TFEB: variants seen among roughly 807,000 people sequenced by gnomAD.
TFEB encodes the protein transcription factor EB, also known as T-cell transcription factor EB.
In TFEB, 12 loss-of-function variants were observed where a neutral mutation model predicts 48.0. The observed-to-expected ratio is 0.25, with a 90% CI of 0.16 to 0.40. The LOEUF is 0.40. Ranked by LOEUF, TFEB falls within the 10% of genes least tolerant of loss-of-function variation. TFEB has a pLI of 1.00. For synonymous variants in TFEB, 244 were observed against 261.4 expected, an observed-to-expected ratio of 0.93 and a Z score of 0.64; for missense variants, 509 against 640.3, an observed-to-expected ratio of 0.79 and a Z score of 2.21.
In TFEB at chr6:41,687,829, G is replaced by A; in HGVS notation, c.671-20C>T. 2 of 1,613,210 alleles carry A rather than the reference G, an allele frequency of 1.2e-6. No individual in the cohort carries two copies. Among genetic ancestry groups the A allele is most frequent in the Non-Finnish European group, 1.7e-6 (2 of 1,179,448 alleles). ...CAGCATCTGGAGGCCAAAAGAGAAG[G>A]AGAGAGGAGCTGGGAGGGAGGGAGA... On this transcript the variant is annotated intron_variant, in intron 5 of 8. Transcript: ENST00000373033.
At chr6:41,707,659 TG>T (rs1770297295) in intron 1 of TFEB, among the ~76,000 whole-genome samples, 1 of 152,142 alleles carries the variant, frequency 6.6e-6, no homozygotes, top group Non-Finnish European at 1.5e-5. Context: ...CTGGGAGGGC[TG>T]GGGATGGGAA....
chr6:41,722,289 A>G (rs959932826), intron 1 of TFEB, among the ~76,000 whole-genome samples: 6 of 152,192 alleles, frequency 3.9e-5, no homozygotes, highest in African/African-American at 7.2e-5. Context: ...TCCATTCGCT[A>G]TATTAATTTA....
intron 1 of TFEB, among the ~76,000 whole-genome samples, chr6:41,715,111 G>GC (rs1329118994): frequency 6.6e-6 from 1 of 152,130 alleles, no homozygotes; most frequent in Non-Finnish European, 1.5e-5. Flanking sequence ...TCCAACCAGG[G>GC]CCTCCCCCAC....
At chr6:41,711,777 A>C (rs968116005) in intron 1 of TFEB, among the ~76,000 whole-genome samples, 1 of 152,212 alleles carries the variant, frequency 6.6e-6, no homozygotes, top group Non-Finnish European at 1.5e-5. Context: ...CAAAAGGGTC[A>C]TGTCTGGGCA....
At chr6:41,714,253 A>C in intron 1 of TFEB, among the ~76,000 whole-genome samples, 1 of 152,104 alleles carries the variant, frequency 6.6e-6, no homozygotes, top group Admixed American at 6.5e-5. Flanking sequence ...ATGTGCTTCT[A>C]CCACCCCTAC....
At chr6:41,725,715 C>T (rs1216163901) in intron 1 of TFEB, among the ~76,000 whole-genome samples, 4 of 152,072 alleles carry the variant, frequency 2.6e-5, no homozygotes, top group African/African-American at 9.7e-5. Flanking sequence ...ATATATACCC[C>T]GATGCATGAA....
intron 1 of TFEB, among the ~76,000 whole-genome samples, chr6:41,718,423 G>A (rs1025898741): frequency 1.3e-5 from 2 of 151,978 alleles, no homozygotes; most frequent in African/African-American, 4.8e-5. Flanking sequence ...ATGTTGCCCA[G>A]GCTGGTCTTG....
chr6:41,686,093 G>T lies in TFEB; in HGVS notation c.948C>A (p.Ile316=), dbSNP rs1318934593. ...EMTNKQLWLR[I]QELEMQARVH... is the part of the protein sequence containing the mutation. Reference sequence around the variant, plus strand: ...AAGTCCAAGTTCAGGACCAGACCTGGATACGGAGCCAGAGCTGCTTGTTGG... The same window carrying T: ...AAGTCCAAGTTCAGGACCAGACCTGTATACGGAGCCAGAGCTGCTTGTTGG... Residue 316 remains isoleucine (I), a synonymous_variant, in exon 8 of 9, where the codon ATC becomes ATA. Coordinates refer to ENST00000373033, the MANE Select transcript of TFEB (RefSeq NM_001271944.2). 6.2e-7 allele frequency: 1 copy of T among 1,614,128 alleles called. No individual in the cohort carries two copies. The highest frequency in any genetic ancestry group is 1.7e-5 in the Admixed American group (1 of 60,008).
intron 1 of TFEB, 143 bp downstream of exon 1, chr6:41,735,207 C>T (rs1331004595): frequency 2.2e-6 from 2 of 898,642 alleles, no homozygotes; most frequent in Non-Finnish European, 2.7e-6. Context: ...GGGTGGGTGG[C>T]GGCGCGCACG....
At chr6:41,690,531 G>T in intron 3 of TFEB, 132 bp downstream of exon 3, 2 of 1,130,062 alleles carry the variant, frequency 1.8e-6, no homozygotes, top group Non-Finnish European at 1.2e-6. Flanking sequence ...CCTGAGAAGG[G>T]CTCTGTCCCC....
Position 41,730,049 on chromosome 6 carries a change from C to T in TFEB, c.-23+5301G>A, listed in dbSNP as rs1353020831. 6.6e-6 allele frequency among the ~76,000 whole-genome samples: 1 copy of T among 152,142 alleles called. No individual in the cohort carries two copies. Among genetic ancestry groups the T allele is most frequent in the Admixed American group, 6.5e-5 (1 of 15,274 alleles). On this transcript the variant is annotated intron_variant, in intron 1 of 8. Transcript: ENST00000373033. The surrounding 1 kb of genome is among the most constrained non-coding windows in gnomAD (Gnocchi z 4.1). ...GCCCAGCATCTGTGTTTAAACAATT[C>T]CTCCAGGGAGTTCTCATGCATGCCC...
At position 41,691,739 on chromosome 6, in the gene TFEB, C is replaced by T. The variant is rs2127449540; in HGVS notation, c.-22-504G>A. ...TAAATCCTAAGTCAGATCCTGTCTT[C>T]CCCTCTGCTCACAACTCCCCATGGT... On this transcript the variant is annotated intron_variant, in intron 1 of 8. Transcript: ENST00000373033. The surrounding 1 kb of genome is among the most constrained non-coding windows in gnomAD (Gnocchi z 5.2). 6.6e-6 allele frequency among the ~76,000 whole-genome samples: 1 copy of T among 152,242 alleles called. No individual in the cohort carries two copies.
In TFEB at chr6:41,691,838, G is replaced by C. The variant is rs774729745; in HGVS notation, c.-22-603C>G. 6.6e-6 allele frequency among the ~76,000 whole-genome samples: 1 copy of C among 152,048 alleles called. No homozygotes were observed. The highest frequency in any genetic ancestry group is 2.4e-5 in the African/African-American group (1 of 41,400). The stretch of plus-strand genomic sequence containing the variant: ...GGCCCCCTAGGATCTGGCCCACCTC[G>C]TGTTCCCCTTTGACCCCATCCGCCA... On this transcript the variant is annotated intron_variant, in intron 1 of 8. Coordinates refer to ENST00000373033, the MANE Select transcript of TFEB (RefSeq NM_001271944.2). The surrounding 1 kb of genome is among the most constrained non-coding windows in gnomAD (Gnocchi z 5.2).
rs1457620364 is a variant in TFEB, at chr6:41,724,280, T to C, written c.-23+11070A>G. ...CTGGTGGCCAAGGGATTCCCATCGTTGATAAGCAAATACCCTGTATTAAGA... is the reference window on the plus strand; with the variant it reads ...CTGGTGGCCAAGGGATTCCCATCGTCGATAAGCAAATACCCTGTATTAAGA... On this transcript the variant is annotated intron_variant, in intron 1 of 8. Transcript: ENST00000373033. This position sits in a 1 kb window ranked among gnomAD's most constrained non-coding sequence, Gnocchi z 4.4. Among the ~76,000 whole-genome samples the C allele has an allele frequency of 6.6e-6, 1 of 152,238 alleles. No homozygotes were observed. Among genetic ancestry groups the C allele is most frequent in the Non-Finnish European group, 1.5e-5 (1 of 68,042 alleles).
At chr6:41,710,965 T>G (rs1263046163) in intron 1 of TFEB, among the ~76,000 whole-genome samples, 2 of 152,342 alleles carry the variant, frequency 1.3e-5, no homozygotes, top group South Asian at 2.1e-4. Context: ...CAAGGATGAA[T>G]AAGACAGCCC....
rs768875430 is a variant in TFEB, at chr6:41,690,825, G to C, written c.306C>G (p.Asn102Lys). 1 of 1,613,348 alleles carries C rather than the reference G, an allele frequency of 6.2e-7. No individual in the cohort carries two copies. Among genetic ancestry groups the C allele is most frequent in the Non-Finnish European group, 8.5e-7 (1 of 1,179,622 alleles). Residue 102 changes from asparagine (N) to lysine (K), a missense_variant, in exon 3 of 9, where the codon AAC (asparagine) becomes AAG (lysine). By Grantham distance (94) the Asn-to-Lys change is moderately conservative. Coordinates refer to ENST00000373033, the MANE Select transcript of TFEB (RefSeq NM_001271944.2). ...CTGGGCTGATGTGGGCAGCAAACTT[G>C]TTCCCATAGGTCTCGGACAGGTACT... ...VREYLSETYGNKFAAHISPAQ... is the reference protein window; with the variant it reads ...VREYLSETYGKKFAAHISPAQ...
At chr6:41,693,981 ACCCACACGGCACTGGCTCACCCC>A (rs1239800593) in intron 1 of TFEB, among the ~76,000 whole-genome samples, 1 of 27,608 alleles carries the variant, frequency 3.6e-5, no homozygotes, top group Non-Finnish European at 6.8e-5. Flanking sequence ...CTACACACCC[ACCCACACGGCACTGGCTCACCCC>A]CCCACCCTTG....
At chr6:41,698,928 A>G (rs929459406) in intron 1 of TFEB, among the ~76,000 whole-genome samples, 1 of 152,230 alleles carries the variant, frequency 6.6e-6, no homozygotes, top group African/African-American at 2.4e-5. Context: ...GCCATTCCAC[A>G]TTACGGAGGT....
At chr6:41,717,174 A>G (rs1770774636) in intron 1 of TFEB, among the ~76,000 whole-genome samples, 1 of 152,204 alleles carries the variant, frequency 6.6e-6, no homozygotes, top group Non-Finnish European at 1.5e-5. Context: ...CACCTGTGAC[A>G]TGGGTCCCTC....
Sources: gnomAD v4.1 joint callset for allele counts (sites outside exome capture counted in the v4.1 genomes callset) on GRCh38, gnomAD v4.1.1 for gene constraint, Gnocchi (gnomAD v3.1) non-coding constraint, MANE v1.5 for transcripts, NCBI Gene and HGNC (gene_info 2026-07-23, HGNC 2026-07-21) for gene names.